The following IGF2R variants were observed in gnomAD, a reference collection of about 807,000 sequenced individuals.
IGF2R encodes cation-independent mannose-6-phosphate receptor.
Under a neutral mutation model 270.6 loss-of-function variants are expected in IGF2R, and 91 were observed. That is an observed-to-expected ratio of 0.34 (90% CI 0.28 to 0.40). IGF2R has a LOEUF of 0.40. Among genes scored for constraint, IGF2R ranks in the 10% least tolerant of loss-of-function variants. The pLI is 1.00. For missense variants in IGF2R, 2,805 were observed against 3,188.3 expected (o/e 0.88, Z 2.90); for synonymous variants, 1,316 against 1,258.9 (o/e 1.05, Z -0.96).
intron 2 of IGF2R, among the ~76,000 whole-genome samples, chr6:160,000,577 C>T (rs1784111960): frequency 6.6e-6 from 1 of 152,058 alleles, no homozygotes; most frequent in Non-Finnish European, 1.5e-5. Context: ...TATGAGATCT[C>T]ATTTTTCTTT....
At chr6:160,000,986 C>T (rs1784121165) in intron 2 of IGF2R, among the ~76,000 whole-genome samples, 1 of 151,992 alleles carries the variant, frequency 6.6e-6, no homozygotes, top group Non-Finnish European at 1.5e-5. Flanking sequence ...ATCCACCCGC[C>T]TTGGCCCCCC....
chr6:160,090,165 T>C, intron 44 of IGF2R, 62 bp downstream of exon 44: 1 of 1,218,580 alleles, frequency 8.2e-7, no homozygotes, highest in Non-Finnish European at 1.1e-6. Flanking sequence ...GGATTAAAAT[T>C]TTCAACTAAC....
chr6:160,073,978 A>T lies in IGF2R; in HGVS notation c.5166+3A>T, dbSNP rs1399985944. ...TTCCTATTGATGGTCCCCCCATAGT[A>T]AGTATGACAAATCCAAGGGTGGAGA... On this transcript the variant is annotated splice_donor_region_variant and intron_variant, in intron 35 of 47. Coordinates refer to ENST00000356956, the MANE Select transcript of IGF2R (RefSeq NM_000876.4). The T allele has an allele frequency of 6.2e-7, 1 of 1,602,500 alleles. No individual in the cohort carries two copies. Among genetic ancestry groups the T allele is most frequent in the Non-Finnish European group, 8.5e-7 (1 of 1,171,872 alleles).
intron 29 of IGF2R, among the ~76,000 whole-genome samples, 176 bp from the exon 30 acceptor site, chr6:160,068,064 GGGTGTGTGT>G (rs1475305142): frequency 3.1e-5 from 2 of 64,362 alleles, no homozygotes; most frequent in African/African-American, 1.1e-4. Context: ...TTCTGATGGG[GGGTGTGTGT>G]GTGTGTGTGT....
At chr6:160,071,567 A>G (rs977676303) in intron 31 of IGF2R, among the ~76,000 whole-genome samples, 1 of 152,132 alleles carries the variant, frequency 6.6e-6, no homozygotes, top group Non-Finnish European at 1.5e-5. Flanking sequence ...AATTTTATCA[A>G]TGATTTACAC....
intron 36 of IGF2R, 138 bp from the exon 37 acceptor site, chr6:160,078,063 C>T (rs1032233191): frequency 6.4e-6 from 5 of 784,402 alleles, no homozygotes; most frequent in Non-Finnish European, 1.1e-5. Context: ...TTGGGTCTTT[C>T]AGCTGCTGTT....
chr6:160,038,586 A>G (rs1777875242), intron 10 of IGF2R, among the ~76,000 whole-genome samples: 5 of 152,130 alleles, frequency 3.3e-5, no homozygotes, highest in Admixed American at 3.3e-4. Context: ...TCAGTAGTGA[A>G]ATGTGAATCT....
Position 160,103,784 on chromosome 6 carries a change from G to A in IGF2R, c.7034G>A (p.Arg2345Lys), listed in dbSNP as rs1316210350. 6.2e-7 allele frequency: 1 copy of A among 1,612,334 alleles called. No homozygotes were observed. The highest frequency in any genetic ancestry group is 8.5e-7 in the Non-Finnish European group (1 of 1,178,408). Residue 2345 changes from arginine (R) to lysine (K), a missense_variant, in exon 47 of 48, where the codon AGA becomes AAA. By Grantham distance (26) the Arg-to-Lys change is conservative. Around this residue, in one of 2 missense-constraint regions of IGF2R, gnomAD observed 1,851 missense variants for 2,207.2 expected, o/e 0.84. Coordinates refer to ENST00000356956, the MANE Select transcript of IGF2R (RefSeq NM_000876.4). ...VISKLTTCCRRSSNVSYKYSK... is the reference protein window; with the variant it reads ...VISKLTTCCRKSSNVSYKYSK... ...AGTAAGCTGACCACTTGCTGTAGGAGAAGTTCCAACGTGTCCTACAAATAC... is the reference window on the plus strand; with the variant it reads ...AGTAAGCTGACCACTTGCTGTAGGAAAAGTTCCAACGTGTCCTACAAATAC...
chr6:160,014,876 C>T (rs1777249018), intron 4 of IGF2R, among the ~76,000 whole-genome samples: 2 of 152,180 alleles, frequency 1.3e-5, no homozygotes, highest in Non-Finnish European at 2.9e-5. Flanking sequence ...GGCTTAAGCT[C>T]CATGTGCTGG....
At chr6:160,087,014 C>A (rs1476946942) in intron 41 of IGF2R, among the ~76,000 whole-genome samples, 3 of 152,152 alleles carry the variant, frequency 2.0e-5, no homozygotes, top group Non-Finnish European at 4.4e-5. Context: ...CACAAGCAGC[C>A]TCTTGGTGGT....
At chr6:160,011,344 G>T (rs989221194) in intron 4 of IGF2R, among the ~76,000 whole-genome samples, 1 of 152,080 alleles carries the variant, frequency 6.6e-6, no homozygotes, top group Non-Finnish European at 1.5e-5. Context: ...AGATTACTAG[G>T]TTACTGTTAC....
chr6:160,034,307 C>T (rs778411094), intron 9 of IGF2R, 112 bp from the exon 10 acceptor site: 36 of 631,936 alleles, frequency 5.7e-5, no homozygotes, highest in African/African-American at 5.1e-4. Flanking sequence ...GTTTTAGATC[C>T]GTAGTGATTT....
chr6:160,016,538 C>T (rs973457287), intron 4 of IGF2R, among the ~76,000 whole-genome samples: 3 of 152,240 alleles, frequency 2.0e-5, no homozygotes, highest in African/African-American at 7.2e-5. Flanking sequence ...TGCCTCTTTC[C>T]TGCAAGTACC....
chr6:160,062,314 C>T (rs1778458176), intron 25 of IGF2R, among the ~76,000 whole-genome samples: 1 of 151,638 alleles, frequency 6.6e-6, no homozygotes, highest in Non-Finnish European at 1.5e-5. Flanking sequence ...GCTGGGATTA[C>T]AGGCACCTGC....
intron 4 of IGF2R, among the ~76,000 whole-genome samples, chr6:160,018,250 TA>T (rs913379702): frequency 2.0e-5 from 3 of 148,540 alleles, no homozygotes; most frequent in Non-Finnish European, 4.5e-5. Flanking sequence ...TCAACAACAG[TA>T]AAAAAAAAGG....
chr6:160,087,083 A>G (rs1043379821), intron 41 of IGF2R, among the ~76,000 whole-genome samples: 1 of 152,116 alleles, frequency 6.6e-6, no homozygotes, highest in African/African-American at 2.4e-5. Flanking sequence ...AGCTTAAAGC[A>G]TGTACTCACT....
At position 159,998,996 on chromosome 6, in the gene IGF2R, T is replaced by G. The variant is rs1784090112; in HGVS notation, c.289+7673T>G. On this transcript the variant is annotated intron_variant, in intron 2 of 47. Transcript: ENST00000356956. The surrounding 1 kb of genome is among the most constrained non-coding windows in gnomAD (Gnocchi z 4.1). Reference sequence around the variant, plus strand: ...CGCAAAATGGATCTGTGTTCTACAGTGGGCAGGTCTGTGCAAATCTGCCCC... The same window carrying G: ...CGCAAAATGGATCTGTGTTCTACAGGGGGCAGGTCTGTGCAAATCTGCCCC... Among the ~76,000 whole-genome samples, 1 of 152,190 alleles carries G rather than the reference T, an allele frequency of 6.6e-6. No individual in the cohort carries two copies. The highest frequency in any genetic ancestry group is 1.5e-5 in the Non-Finnish European group (1 of 68,032).
chr6:159,994,428 T>G (rs1043308398), intron 2 of IGF2R, among the ~76,000 whole-genome samples: 3 of 151,774 alleles, frequency 2.0e-5, no homozygotes, highest in East Asian at 3.9e-4. Flanking sequence ...TTGCATTTTT[T>G]GGGGGGGGTC....
rs1345915194 is a variant in IGF2R, at chr6:160,064,499, A to G, written c.3985A>G (p.Ile1329Val). The G allele has an allele frequency of 6.2e-7, 1 of 1,614,074 alleles. No individual in the cohort carries two copies. The highest frequency in any genetic ancestry group is 8.5e-7 in the Non-Finnish European group (1 of 1,180,046). Residue 1329 changes from isoleucine (I) to valine (V), a missense_variant, in exon 28 of 48, where the codon ATC becomes GTC. This residue lies in a region of IGF2R where 1,851 missense variants were observed against 2,207.2 expected (regional missense o/e 0.84). Transcript: ENST00000356956. Reference sequence around the variant, plus strand: ...TAAGGTTTATCAGCGCTCCACAGCCATCTTCTTCTACTGTGACCGCGGCAC... The same window carrying G: ...TAAGGTTTATCAGCGCTCCACAGCCGTCTTCTTCTACTGTGACCGCGGCAC... ...CHKVYQRSTA[I>V]FFYCDRGTQR...
Sources: allele counts gnomAD v4.1 joint callset (sites outside exome capture counted in the v4.1 genomes callset), GRCh38; gene constraint gnomAD v4.1.1; regional missense constraint gnomAD v4.1.1; non-coding constraint Gnocchi (gnomAD v3.1); transcripts MANE v1.5; gene names NCBI Gene and HGNC (gene_info 2026-07-23, HGNC 2026-07-21).